ERBB2: variants seen among roughly 807,000 people sequenced by gnomAD.
ERBB2 encodes receptor tyrosine-protein kinase erbB-2.
ERBB2 carries 61 observed loss-of-function variants against 149.0 expected under a neutral mutation model. The observed-to-expected ratio is 0.41, with a 90% CI of 0.33 to 0.51. The LOEUF (loss-of-function observed/expected upper bound fraction) is 0.51. Ranked by LOEUF, ERBB2 falls within the 20% of genes least tolerant of loss-of-function variation. The probability of loss-of-function intolerance (pLI) is 0.25; values close to 1 mark genes in which losing one functional copy is unlikely to be tolerated. For missense variants in ERBB2, 1,205 were observed against 1,655.1 expected (o/e 0.73, Z 4.72); for synonymous variants, 633 against 678.8 (o/e 0.93, Z 1.05).
upstream of ERBB2, among the ~76,000 whole-genome samples, chr17:39,691,819 T>C (rs116936671): frequency 0.027 from 4,056 of 148,082 alleles, 75 homozygotes; most frequent in Middle Eastern, 0.068. Context: ...CAGAAATTAA[T>C]AGGAATGGGG....
In ERBB2 at chr17:39,727,418, G is replaced by A. The variant is rs2143246241; in HGVS notation, c.3283G>A (p.Ala1095Thr). The A allele has an allele frequency of 6.2e-7, 1 of 1,611,724 alleles. No homozygotes were observed. Among genetic ancestry groups the A allele is most frequent in the Admixed American group, 1.7e-5 (1 of 59,224 alleles). The change falls in exon 26 of 27, where the codon GCC becomes ACC. Residue 1095 changes from alanine (A) to threonine (T), a missense_variant. By Grantham distance (58) the Ala-to-Thr change is moderately conservative. Around this residue, in one of 6 missense-constraint regions of ERBB2, gnomAD observed 312 missense variants for 343.8 expected, o/e 0.91. Transcript: ENST00000269571. This position sits in a 1 kb window ranked among gnomAD's most constrained non-coding sequence, Gnocchi z 4.3. Reference sequence around the variant, plus strand: ...TGATGGTGACCTGGGAATGGGGGCAGCCAAGGGGCTGCAAAGCCTCCCCAC... The same window carrying A: ...TGATGGTGACCTGGGAATGGGGGCAACCAAGGGGCTGCAAAGCCTCCCCAC... Reference protein sequence around the residue: ...VFDGDLGMGAAKGLQSLPTHD... With the variant: ...VFDGDLGMGATKGLQSLPTHD...
intron 16 of ERBB2, among the ~76,000 whole-genome samples, chr17:39,721,763 A>G (rs2059465410): frequency 6.6e-6 from 1 of 152,192 alleles, no homozygotes; most frequent in Non-Finnish European, 1.5e-5. Context: ...GGGCCCCAAA[A>G]TTGTATGCAT....
rs750754275 is a variant in ERBB2, at chr17:39,715,743, C to A, written c.1317C>A (p.Gly439=). The A allele has an allele frequency of 6.2e-7, 1 of 1,605,980 alleles. No individual in the cohort carries two copies. The highest frequency in any genetic ancestry group is 8.5e-7 in the Non-Finnish European group (1 of 1,179,962). The change falls in exon 12 of 27, where the codon GGC becomes GGA. Residue 439 remains glycine, a synonymous_variant. Coordinates refer to ENST00000269571, the MANE Select transcript of ERBB2 (RefSeq NM_004448.4). ...QVIRGRILHN[G]AYSLTLQGLG... is the part of the protein sequence containing the mutation. ...GGTGCCCACCTTTCTCCCATAGTGG[C>A]GCCTACTCGCTGACCCTGCAAGGGC...
chr17:39,712,311 C>G lies in ERBB2; in HGVS notation c.1022-11C>G. ...AGACGGCCCCTTCCCCACCCACCCC[C>G]ACCTCCTCAGTGTGCTATGGTCTGG... On this transcript the variant is annotated splice_polypyrimidine_tract_variant and intron_variant, in intron 8 of 26. Coordinates refer to ENST00000269571, the MANE Select transcript of ERBB2 (RefSeq NM_004448.4). The G allele has an allele frequency of 6.2e-7, 1 of 1,613,698 alleles. No homozygotes were observed. Among genetic ancestry groups the G allele is most frequent in the Non-Finnish European group, 8.5e-7 (1 of 1,179,860 alleles).
rs537468776 is a variant in ERBB2 at position 39,716,705 on chromosome 17, G to A, written c.1737+100G>A. 25 of 1,068,946 alleles carry A rather than the reference G, an allele frequency of 2.3e-5. 1 individual carries two copies. The South Asian group carries it at 3.0e-4, about 13-fold the overall frequency. 66.2% of individuals were successfully genotyped at this position (1,068,946 alleles called of 1,614,324 possible). ...GAGATGCAGTAGGGTGTGCTATCTG[G>A]TAAAATATCCCTGGAGAGGGCTCAG... On this transcript the variant is annotated intron_variant, in intron 14 of 26. Transcript: ENST00000269571.
chr17:39,691,954 T>C (rs955303352), upstream of ERBB2, among the ~76,000 whole-genome samples: 2 of 146,292 alleles, frequency 1.4e-5, no homozygotes, highest in African/African-American at 5.1e-5. Context: ...TATATATATA[T>C]ATATCTCTTG....
rs914672878 is a variant in ERBB2, at chr17:39,710,327, C to T, written c.760-13C>T. 2 of 1,614,072 alleles carry T rather than the reference C, an allele frequency of 1.2e-6. No individual in the cohort carries two copies. Among genetic ancestry groups the T allele is most frequent in the African/African-American group, 1.3e-5 (1 of 75,040 alleles). ...AAAACAGCACAGTGAAAGCCAGCCACCTGTCCCCCCAGGCCTGCCTCCACT... is the reference window on the plus strand; with the variant it reads ...AAAACAGCACAGTGAAAGCCAGCCATCTGTCCCCCCAGGCCTGCCTCCACT... On this transcript the variant is annotated splice_polypyrimidine_tract_variant and intron_variant, in intron 6 of 26. Transcript: ENST00000269571.
chr17:39,691,922 C>CATATATATATAT (rs1171342693), upstream of ERBB2, among the ~76,000 whole-genome samples: 26 of 98,374 alleles, frequency 2.6e-4, no homozygotes, highest in African/African-American at 9.2e-4. Flanking sequence ...TATACATATA[C>CATATATATATAT]ATATACATAT....
At chr17:39,711,886 G>T in intron 7 of ERBB2, 42 bp from the exon 8 acceptor site, 3 of 1,612,850 alleles carry the variant, frequency 1.9e-6, no homozygotes, top group Non-Finnish European at 2.5e-6. Context: ...GGTGGTGCAC[G>T]AAGGGCCAGG....
At chr17:39,699,561 T>C (rs2057967587), upstream of ERBB2, 3 of 1,534,236 alleles carry the variant, frequency 2.0e-6, no homozygotes, top group South Asian at 1.2e-5. Context: ...CCAGAAGATA[T>C]GCCCCGGGGG....
At chr17:39,717,648 T>G in intron 15 of ERBB2, 168 bp downstream of exon 15, 1 of 582,230 alleles carries the variant, frequency 1.7e-6, no homozygotes, top group Non-Finnish European at 2.9e-6. Flanking sequence ...TATAAATTAA[T>G]GCCCTAGCAG....
chr17:39,690,764 T>C (rs1210633111), upstream of ERBB2, among the ~76,000 whole-genome samples: 2 of 152,206 alleles, frequency 1.3e-5, no homozygotes, highest in Admixed American at 6.5e-5. Context: ...GTCTGAAAAG[T>C]CACTAATTCA....
chr17:39,688,997 C>T (rs948294305), intron 2 of ERBB2, among the ~76,000 whole-genome samples: 2 of 152,128 alleles, frequency 1.3e-5, no homozygotes, highest in Non-Finnish European at 2.9e-5. Context: ...CTGCTCACCT[C>T]CCCTGCACTC....
Position 39,725,411 on chromosome 17 carries a change from T to TG in ERBB2, c.2725+15dup, listed in dbSNP as rs984239228. 8 of 1,147,278 alleles carry TG rather than the reference T, an allele frequency of 7.0e-6. No individual in the cohort carries two copies. Among genetic ancestry groups the TG allele is most frequent in the African/African-American group, 1.7e-5 (1 of 60,586 alleles). 71.1% of individuals were successfully genotyped at this position (1,147,278 alleles called of 1,614,324 possible). A position where few individuals can be genotyped will look rare whatever the true frequency, so the allele number is the denominator to read the frequency against. ...TGATGTGTGGAGTTATGGTGTGTGA[T>TG]GGGGGGTGTTGGGAGGGGTGGGTGA... On this transcript the variant is annotated intron_variant, in intron 22 of 26. Coordinates refer to ENST00000269571, the MANE Select transcript of ERBB2 (RefSeq NM_004448.4). This position sits in a 1 kb window ranked among gnomAD's most constrained non-coding sequence, Gnocchi z 4.6.
intron 1 of ERBB2, among the ~76,000 whole-genome samples, chr17:39,702,652 A>G (rs947849030): frequency 6.6e-6 from 1 of 152,246 alleles, no homozygotes; most frequent in Non-Finnish European, 1.5e-5. Flanking sequence ...AACACAAAGC[A>G]TGTTTAATTT....
At chr17:39,693,177 TA>T (rs1171057298), upstream of ERBB2, 3 of 152,248 alleles carry the variant, frequency 2.0e-5, no homozygotes, top group African/African-American at 7.2e-5. Context: ...CGGGTCCATT[TA>T]TACTCACATT....
At chr17:39,716,085 GC>G in intron 12 of ERBB2, 146 bp downstream of exon 12, 1 of 1,031,402 alleles carries the variant, frequency 9.7e-7, no homozygotes, top group Non-Finnish European at 1.4e-6. Context: ...GGCTGGCTTG[GC>G]CTCTTGGCAT....
chr17:39,724,132 T>A, intron 19 of ERBB2, 122 bp downstream of exon 19: 1 of 671,420 alleles, frequency 1.5e-6, no homozygotes. Flanking sequence ...TAGACTATTT[T>A]TTTGGAGACG....
chr17:39,707,428 C>T (rs2058512013), intron 2 of ERBB2: 2 of 320,368 alleles, frequency 6.2e-6, no homozygotes, highest in Non-Finnish European at 1.1e-5. Context: ...TGTCCACCTG[C>T]TCCAGCCACT....
Sources: gnomAD v4.1 joint callset for allele counts (sites outside exome capture counted in the v4.1 genomes callset) on GRCh38, gnomAD v4.1.1 for gene constraint, gnomAD v4.1.1 regional missense constraint, Gnocchi (gnomAD v3.1) non-coding constraint, MANE v1.5 for transcripts, NCBI Gene and HGNC (gene_info 2026-07-23, HGNC 2026-07-21) for gene names.